Variants in ACSM5 observed in about 807,000 individuals in gnomAD.
ACSM5 encodes the protein acyl-CoA synthetase medium chain family member 5, also known as acyl-coenzyme A synthetase ACSM5, mitochondrial.
ACSM5 carries 56 observed loss-of-function variants against 71.6 expected under a neutral mutation model. The ratio of observed to expected loss-of-function variants is 0.78; its 90% CI spans 0.63 to 0.98. The LOEUF (loss-of-function observed/expected upper bound fraction) is 0.98. Among genes scored for constraint, ACSM5 ranks in the 50% least tolerant of loss-of-function variants. The probability of loss-of-function intolerance (pLI) is 0.00; values close to 1 mark genes in which losing one functional copy is unlikely to be tolerated. For synonymous variants in ACSM5, 285 were observed against 281.5 expected (o/e 1.01, Z -0.12); for missense variants, 723 against 726.0 (o/e 1.00, Z 0.05).
Position 20,418,271 on chromosome 16 carries a change from T to C in ACSM5, c.415+2T>C. 6.2e-7 allele frequency: 1 copy of C among 1,606,200 alleles called. No homozygotes were observed. The highest frequency in any genetic ancestry group is 8.5e-7 in the Non-Finnish European group (1 of 1,176,116). ...TCAGTGTGGCTTGCATGCGGACAGG[T>C]CAGTAAGCAGGGCTGGGAATTTTAG... is the stretch of plus-strand genomic sequence containing the variant. On this transcript the variant is annotated splice_donor_variant, in intron 3 of 13. Coordinates refer to ENST00000331849, the MANE Select transcript of ACSM5 (RefSeq NM_017888.3). LOFTEE classifies it high-confidence loss of function.
intron 10 of ACSM5, among the ~76,000 whole-genome samples, chr16:20,434,908 A>C (rs1236193623): frequency 6.6e-6 from 1 of 152,214 alleles, no homozygotes; most frequent in Non-Finnish European, 1.5e-5. Context: ...CCCTTTGCTC[A>C]TTCATTTGTA....
rs772103503 is a variant in ACSM5, at chr16:20,431,225, G to A, written c.1212G>A (p.Val404=). The A allele has an allele frequency of 3.1e-6, 5 of 1,613,832 alleles. No homozygotes were observed. The Admixed American group carries it at 8.3e-5, about 27-fold the overall frequency. The change falls in exon 10 of 14, where the codon GTG becomes GTA. Residue 404 remains valine (V), a synonymous_variant. Coordinates refer to ENST00000331849, the MANE Select transcript of ACSM5 (RefSeq NM_017888.3). ...TGTGATGATTTCCTTACCAGATTGT[G>A]GATGATGAGGGCAACGTCCTGCCTC... ...KASPPYDVQI[V]DDEGNVLPPG...
intron 5 of ACSM5, among the ~76,000 whole-genome samples, chr16:20,422,007 A>G (rs564286383): frequency 3.5e-4 from 54 of 152,270 alleles, no homozygotes; most frequent in African/African-American, 1.3e-3. Flanking sequence ...TAATGTCCTC[A>G]AGGTTCATCC....
chr16:20,418,753 G>A (rs1356446183), intron 3 of ACSM5, among the ~76,000 whole-genome samples: 2 of 152,254 alleles, frequency 1.3e-5, no homozygotes, highest in South Asian at 2.1e-4. Flanking sequence ...AATTTTACCC[G>A]AACGATGCAG....
rs1217405469 is a variant in ACSM5 at position 20,438,800 on chromosome 16, T to C, written c.1537-1000T>C. Reference sequence around the variant, plus strand: ...GAAACCCCATCTCTACTAAAAATACTAAAAATTAGCCAGGCGTGGCGGTGG... The same window carrying C: ...GAAACCCCATCTCTACTAAAAATACCAAAAATTAGCCAGGCGTGGCGGTGG... On this transcript the variant is annotated intron_variant, in intron 12 of 13. Transcript: ENST00000331849. 2.0e-5 allele frequency among the ~76,000 whole-genome samples: 3 copies of C among 150,196 alleles called. No individual in the cohort carries two copies. In the East Asian group the frequency reaches 6.0e-4, roughly 30 times the overall value.
intron 2 of ACSM5, among the ~76,000 whole-genome samples, chr16:20,414,365 G>A (rs1966852749): frequency 1.3e-5 from 2 of 152,312 alleles, no homozygotes; most frequent in Non-Finnish European, 1.5e-5. Flanking sequence ...CAGAGTCAGA[G>A]AAGGAGATGT....
At chr16:20,429,544 C>T in intron 7 of ACSM5, 134 bp from the exon 8 acceptor site, 1 of 1,143,082 alleles carries the variant, frequency 8.7e-7, no homozygotes, top group Non-Finnish European at 1.3e-6. Flanking sequence ...TGGGTGGACT[C>T]ACTTAGAGAA....
At chr16:20,438,029 T>G (rs1387595144) in intron 12 of ACSM5, among the ~76,000 whole-genome samples, 1 of 152,030 alleles carries the variant, frequency 6.6e-6, no homozygotes, top group East Asian at 1.9e-4. Flanking sequence ...TTTTGCCTTG[T>G]TGGCCAGGCT....
chr16:20,430,179 G>A (rs1334269282), intron 8 of ACSM5, among the ~76,000 whole-genome samples: 1 of 148,932 alleles, frequency 6.7e-6, no homozygotes, highest in Non-Finnish European at 1.5e-5. Context: ...AAAAACGCTC[G>A]AACCCAAAAA....
chr16:20,419,453 A>G lies in ACSM5; in HGVS notation c.623+18A>G, dbSNP rs746881941. The G allele has an allele frequency of 6.2e-7, 1 of 1,611,472 alleles. No individual in the cohort carries two copies. Among genetic ancestry groups the G allele is most frequent in the Non-Finnish European group, 8.5e-7 (1 of 1,177,926 alleles). The stretch of plus-strand genomic sequence containing the variant: ...CTCCTCCGGTGAATTGGGGCTCTCC[A>G]GAACAGCAGAAAAATGAAGTCATTT... On this transcript the variant is annotated intron_variant, in intron 4 of 13. Coordinates refer to ENST00000331849, the MANE Select transcript of ACSM5 (RefSeq NM_017888.3).
chr16:20,416,692 G>A (rs1220100170), intron 2 of ACSM5, among the ~76,000 whole-genome samples: 1 of 151,928 alleles, frequency 6.6e-6, no homozygotes, highest in African/African-American at 2.4e-5. Context: ...TAAAGCAAAA[G>A]CAACAAAATA....
rs1166638971 is a variant in ACSM5 at position 20,418,368 on chromosome 16, G to A, written c.415+99G>A. 9.2e-6 allele frequency: 11 copies of A among 1,199,502 alleles called. No individual in the cohort carries two copies. The African/African-American group carries it at 1.2e-4, about 13-fold the overall frequency. 74.3% of individuals were successfully genotyped at this position (1,199,502 alleles called of 1,614,324 possible). A position where few individuals can be genotyped will look rare whatever the true frequency, so the allele number is the denominator to read the frequency against. ...CTTGAAGATGGAGCAAAAATAAACTGTATGTGGAGTTGTGTTTACTTCCTA... is the reference window on the plus strand; with the variant it reads ...CTTGAAGATGGAGCAAAAATAAACTATATGTGGAGTTGTGTTTACTTCCTA... On this transcript the variant is annotated intron_variant, in intron 3 of 13. Coordinates refer to ENST00000331849, the MANE Select transcript of ACSM5 (RefSeq NM_017888.3).
intron 2 of ACSM5, among the ~76,000 whole-genome samples, 169 bp from the exon 3 acceptor site, chr16:20,417,890 T>A (rs113760224): frequency 0.044 from 6,741 of 152,226 alleles, 160 homozygotes; most frequent in South Asian, 0.059. Context: ...ACAGGGCAGG[T>A]AGGTATAAGG....
intron 6 of ACSM5, 45 bp downstream of exon 6, chr16:20,424,114 T>C: frequency 6.2e-7 from 1 of 1,604,644 alleles, no homozygotes; most frequent in Non-Finnish European, 8.5e-7. Context: ...TGGGTACAAA[T>C]GAGATGAGTG....
intron 10 of ACSM5, among the ~76,000 whole-genome samples, chr16:20,432,224 G>C (rs1596622302): frequency 6.6e-6 from 1 of 152,100 alleles, no homozygotes; most frequent in South Asian, 2.1e-4. Flanking sequence ...AGTTATTGCT[G>C]ATGCTTGAGC....
At chr16:20,425,902 A>G (rs1344460335) in intron 6 of ACSM5, among the ~76,000 whole-genome samples, 2 of 152,274 alleles carry the variant, frequency 1.3e-5, no homozygotes, top group African/African-American at 4.8e-5. Flanking sequence ...ATGTATGTGC[A>G]AGTATCTTTT....
chr16:20,411,632 C>G lies in ACSM5; in HGVS notation c.148C>G (p.Pro50Ala). 1.9e-6 allele frequency: 3 copies of G among 1,614,062 alleles called. No individual in the cohort carries two copies. The highest frequency in any genetic ancestry group is 2.5e-6 in the Non-Finnish European group (3 of 1,180,004). ...EAISLGRQLV[P>A]EYFNFAHDVL... ...CATCAGCCTGGGAAGGCAGCTGGTG[C>G]CTGAGTACTTCAACTTCGCCCATGA... Residue 50 changes from proline (P) to alanine (A), a missense_variant, in exon 2 of 14, where the codon CCT becomes GCT. Physicochemically the swap from Pro to Ala is conservative, Grantham distance 27. Transcript: ENST00000331849.
chr16:20,421,656 T>TATACAC (rs1395366828), intron 5 of ACSM5, among the ~76,000 whole-genome samples: 21 of 106,068 alleles, frequency 2.0e-4, no homozygotes, highest in African/African-American at 7.3e-4. Context: ...TATATATATA[T>TATACAC]ACACACACAC....
intron 13 of ACSM5, 112 bp downstream of exon 13, chr16:20,440,031 C>G (rs958079003): frequency 1.7e-5 from 23 of 1,347,256 alleles, no homozygotes; most frequent in Non-Finnish European, 2.3e-5. Context: ...TATGGAGAAA[C>G]TTGTAACCCT....
Sources: gnomAD v4.1 joint callset for allele counts (sites outside exome capture counted in the v4.1 genomes callset) on GRCh38, gnomAD v4.1.1 for gene constraint, MANE v1.5 for transcripts, NCBI Gene and HGNC (gene_info 2026-07-23, HGNC 2026-07-21) for gene names.